The following DLGAP2 variants were observed in gnomAD, a reference collection of about 807,000 sequenced individuals.
DLGAP2 encodes the protein DLG associated protein 2, also known as disks large-associated protein 2.
A neutral mutation model predicts 100.3 loss-of-function variants in DLGAP2; 26 were observed. That is an observed-to-expected ratio of 0.26 (90% CI 0.19 to 0.36). The LOEUF is 0.36. DLGAP2 is among the 10% of genes least tolerant of loss of function. The pLI, the probability that DLGAP2 is intolerant of heterozygous loss-of-function variation, is 1.00. For missense variants in DLGAP2, 1,858 were observed against 1,453.2 expected (o/e 1.28, Z -4.53); for synonymous variants, 886 against 630.1 (o/e 1.41, Z -6.08).
At chr8:1,126,737 T>A (rs1294203721) in intron 2 of DLGAP2, among the ~76,000 whole-genome samples, 1 of 152,106 alleles carries the variant, frequency 6.6e-6, no homozygotes, top group Non-Finnish European at 1.5e-5. Context: ...AGAACATTTG[T>A]TGTCTCTGGA....
chr8:1,203,835 TC>T (rs1418264647), intron 2 of DLGAP2, among the ~76,000 whole-genome samples: 1 of 152,148 alleles, frequency 6.6e-6, no homozygotes, highest in Non-Finnish European at 1.5e-5. Context: ...GGTGCAGCAG[TC>T]AGGGGGCTGG....
intron 7 of DLGAP2, 135 bp downstream of exon 7, chr8:1,627,022 G>A (rs865946682): frequency 9.0e-7 from 1 of 1,107,546 alleles, no homozygotes; most frequent in Non-Finnish European, 1.3e-6. Context: ...ACCAAAGGGG[G>A]TTCCCCTGGA....
At chr8:1,682,538 G>C (rs1005708472) in intron 12 of DLGAP2, among the ~76,000 whole-genome samples, 11 of 151,416 alleles carry the variant, frequency 7.3e-5, no homozygotes, top group African/African-American at 2.7e-4. Context: ...GCAATGGCAC[G>C]ATCTCAGCTC....
chr8:1,410,307 CG>C (rs1796691200), intron 3 of DLGAP2, among the ~76,000 whole-genome samples: 1 of 152,198 alleles, frequency 6.6e-6, no homozygotes, highest in Admixed American at 6.5e-5. Context: ...GTAACATTCA[CG>C]GGCATGGCTT....
intron 4 of DLGAP2, among the ~76,000 whole-genome samples, chr8:1,530,407 T>C (rs1255567892): frequency 1.3e-5 from 2 of 152,238 alleles, no homozygotes; most frequent in Non-Finnish European, 2.9e-5. Context: ...TCTTATTCCC[T>C]GAACAATTGC....
rs1197834490 is a variant in DLGAP2 at position 1,103,207 on chromosome 8, A to G, written c.74-155644A>G. Among the ~76,000 whole-genome samples the G allele has an allele frequency of 2.0e-5, 3 of 152,182 alleles. No individual in the cohort carries two copies. The East Asian group carries it at 5.8e-4, about 29-fold the overall frequency. On this transcript the variant is annotated intron_variant, in intron 2 of 14. Coordinates refer to ENST00000637795, the MANE Select transcript of DLGAP2 (RefSeq NM_001346810.2). ...CCTATCTGCCCTGTGTGTGTATCACATGCTGGCTGCCCTGGGCGTCGTCTG... is the reference window on the plus strand; with the variant it reads ...CCTATCTGCCCTGTGTGTGTATCACGTGCTGGCTGCCCTGGGCGTCGTCTG...
chr8:875,494 CG>C (rs1370334930), intron 1 of DLGAP2, among the ~76,000 whole-genome samples: 2 of 152,156 alleles, frequency 1.3e-5, no homozygotes, highest in African/African-American at 4.8e-5. Flanking sequence ...CCCTTTCCCT[CG>C]GCTCTCATTC....
chr8:1,184,560 C>G (rs1370590066), intron 2 of DLGAP2, among the ~76,000 whole-genome samples: 1 of 152,202 alleles, frequency 6.6e-6, no homozygotes, highest in Non-Finnish European at 1.5e-5. Flanking sequence ...CTAGTGACCA[C>G]AGAACGGGTG....
At chr8:1,054,932 TAGAC>T (rs1161121838) in intron 2 of DLGAP2, among the ~76,000 whole-genome samples, 1 of 152,244 alleles carries the variant, frequency 6.6e-6, no homozygotes, top group African/African-American at 2.4e-5. Flanking sequence ...ACAGCCTTCA[TAGAC>T]AGTGGCACAC....
intron 2 of DLGAP2, among the ~76,000 whole-genome samples, chr8:1,202,241 AGTGTGTGTGTGTGTGT>A (rs36230610): frequency 3.4e-5 from 5 of 149,164 alleles, no homozygotes; most frequent in Non-Finnish European, 4.5e-5. Context: ...GTATAGATGC[AGTGTGTGTGTGTGTGT>A]GTGTGTGTGT....
rs1033010314 is a variant in DLGAP2 at position 1,427,727 on chromosome 8, G to A, written c.107-73639G>A. Among the ~76,000 whole-genome samples, 12 of 152,254 alleles carry A rather than the reference G, an allele frequency of 7.9e-5. No individual in the cohort carries two copies. The East Asian group carries it at 2.1e-3, about 27-fold the overall frequency. On this transcript the variant is annotated intron_variant, in intron 3 of 14. Coordinates refer to ENST00000637795, the MANE Select transcript of DLGAP2 (RefSeq NM_001346810.2). ...TACAAGCTCTCTTCTCTTGTCTGCT[G>A]CCATGTGAGACATGCCCTTCATCTC...
At chr8:1,204,018 T>A (rs910171664) in intron 2 of DLGAP2, among the ~76,000 whole-genome samples, 5 of 152,202 alleles carry the variant, frequency 3.3e-5, no homozygotes, top group Non-Finnish European at 5.9e-5. Flanking sequence ...GTAGTGCTCT[T>A]GAAACTTCAA....
chr8:1,038,181 G>C (rs1802190640), intron 2 of DLGAP2, among the ~76,000 whole-genome samples: 1 of 152,246 alleles, frequency 6.6e-6, no homozygotes, highest in Non-Finnish European at 1.5e-5. Flanking sequence ...AGTGTCTTCT[G>C]TGCTAACGCA....
At chr8:1,123,314 A>C (rs1197205181) in intron 2 of DLGAP2, among the ~76,000 whole-genome samples, 1 of 152,166 alleles carries the variant, frequency 6.6e-6, no homozygotes, top group Non-Finnish European at 1.5e-5. Context: ...TTTATGTTTC[A>C]CTTCTCAGTT....
At chr8:1,228,046 G>A (rs1798458249) in intron 2 of DLGAP2, among the ~76,000 whole-genome samples, 1 of 152,028 alleles carries the variant, frequency 6.6e-6, no homozygotes, top group African/African-American at 2.4e-5. Flanking sequence ...CTTGGACACA[G>A]GAAGGGGAAC....
intron 3 of DLGAP2, among the ~76,000 whole-genome samples, chr8:1,470,046 C>T (rs529170737): frequency 2.0e-5 from 3 of 151,926 alleles, no homozygotes; most frequent in African/African-American, 7.3e-5. Context: ...CCTGCGATCC[C>T]AGCTGCTCAT....
rs867820350 is a variant in DLGAP2, at chr8:1,282,971, G to T, written c.106+24088G>T. ...ACCCAGCGCCCTGAACCATCTGGAC[G>T]TGGTGTGACCTGAATCCAGCCCCCT... On this transcript the variant is annotated intron_variant, in intron 3 of 14. Coordinates refer to ENST00000637795, the MANE Select transcript of DLGAP2 (RefSeq NM_001346810.2). 6.1e-5 allele frequency among the ~76,000 whole-genome samples: 7 copies of T among 114,254 alleles called. No individual in the cohort carries two copies. The Admixed American group carries it at 7.0e-4, about 11-fold the overall frequency. 75.0% of individuals were successfully genotyped at this position (114,254 alleles called of 152,430 possible).
At chr8:1,091,358 C>T (rs759995034) in intron 2 of DLGAP2, among the ~76,000 whole-genome samples, 16 of 152,222 alleles carry the variant, frequency 1.1e-4, no homozygotes, top group Non-Finnish European at 1.6e-4. Flanking sequence ...ATTGGGTTGG[C>T]GAAGGACATG....
intron 3 of DLGAP2, among the ~76,000 whole-genome samples, chr8:1,265,960 C>T (rs183313693): frequency 6.6e-6 from 1 of 152,254 alleles, no homozygotes; most frequent in Non-Finnish European, 1.5e-5. Context: ...ACGGAATCTG[C>T]TCCAAGAAGC....
Sources: gnomAD v4.1 joint callset for allele counts (sites outside exome capture counted in the v4.1 genomes callset) on GRCh38, gnomAD v4.1.1 for gene constraint, MANE v1.5 for transcripts, NCBI Gene and HGNC (gene_info 2026-07-23, HGNC 2026-07-21) for gene names.